Variants in AIG1 observed in about 807,000 individuals in gnomAD.
The protein encoded by AIG1 is androgen-induced gene 1 protein.
Under a neutral mutation model 31.4 loss-of-function variants are expected in AIG1, and 23 were observed. The ratio of observed to expected loss-of-function variants is 0.73; its 90% CI spans 0.53 to 1.04. AIG1 has a LOEUF of 1.04. Ranked by LOEUF, AIG1 falls within the 50% of genes least tolerant of loss-of-function variation. AIG1 has a pLI of 0.00. For synonymous variants in AIG1, 100 were observed against 110.5 expected (o/e 0.90, Z 0.60); for missense variants, 274 against 295.0 (o/e 0.93, Z 0.52).
chr6:143,329,889 A>G lies in AIG1; in HGVS notation c.516-3393A>G. ...CTTTTGCACTACAATGGCGGAGTTG[A>G]GTAGGTGTGATCGAGACCATATGGG... On this transcript the variant is annotated intron_variant, in intron 4 of 5. Coordinates refer to ENST00000357847, the MANE Select transcript of AIG1 (RefSeq NM_016108.4). The surrounding 1 kb of genome is among the most constrained non-coding windows in gnomAD (Gnocchi z 4.9). Among the ~76,000 whole-genome samples, 1 of 152,190 alleles carries G rather than the reference A, an allele frequency of 6.6e-6. No individual in the cohort carries two copies. Among genetic ancestry groups the G allele is most frequent in the Non-Finnish European group, 1.5e-5 (1 of 68,034 alleles).
In AIG1 at chr6:143,060,897, C is replaced by T. The variant is rs751466793; in HGVS notation, c.-29C>T. 5 of 1,451,022 alleles carry T rather than the reference C, an allele frequency of 3.4e-6. No homozygotes were observed. Among genetic ancestry groups the T allele is most frequent in the Middle Eastern group, 2.2e-4 (1 of 4,560 alleles). The allele number at this position is 1,451,022 out of a possible 1,614,324, so 89.9% of individuals were successfully genotyped here. On this transcript the variant is annotated 5_prime_UTR_variant, in exon 1 of 6. Transcript: ENST00000357847. ...CCTCCCTCACGCCCGCCCTCCTTGC[C>T]GCCCAGCCGGTCCAGGCCTCTGGCG...
At chr6:143,226,449 T>C (rs970242258) in intron 3 of AIG1, among the ~76,000 whole-genome samples, 2 of 151,944 alleles carry the variant, frequency 1.3e-5, no homozygotes, top group Non-Finnish European at 2.9e-5. Flanking sequence ...TTTCACCGTG[T>C]TGGCCAGGAT....
chr6:143,188,557 A>C (rs1262628259), intron 3 of AIG1: 4 of 985,260 alleles, frequency 4.1e-6, no homozygotes, highest in Non-Finnish European at 4.8e-6. Flanking sequence ...GGGGCAGTCA[A>C]GGTGGGACAG....
chr6:143,228,184 T>C (rs943529811), intron 3 of AIG1, among the ~76,000 whole-genome samples: 2 of 152,140 alleles, frequency 1.3e-5, no homozygotes, highest in African/African-American at 4.8e-5. Context: ...TTGAAAAATC[T>C]CTGCCCTGCC....
chr6:143,158,985 A>C (rs1415942960), intron 2 of AIG1, among the ~76,000 whole-genome samples: 3 of 152,244 alleles, frequency 2.0e-5, no homozygotes, highest in Non-Finnish European at 4.4e-5. Context: ...TAGAAGAGCC[A>C]CAGAACAAAG....
chr6:143,254,251 A>G (rs975098925), intron 3 of AIG1, among the ~76,000 whole-genome samples: 19 of 152,208 alleles, frequency 1.2e-4, no homozygotes, highest in Non-Finnish European at 2.2e-4. Context: ...AGGGTGTTAA[A>G]CATGCTTGAT....
At chr6:143,275,026 G>T (rs147778807) in intron 3 of AIG1, among the ~76,000 whole-genome samples, 3 of 152,328 alleles carry the variant, frequency 2.0e-5, no homozygotes, top group African/African-American at 4.8e-5. Flanking sequence ...ACAGAGGGAT[G>T]AAATAAATAT....
At chr6:143,086,606 G>A (rs540448818) in intron 1 of AIG1, among the ~76,000 whole-genome samples, 1 of 152,146 alleles carries the variant, frequency 6.6e-6, no homozygotes, top group South Asian at 2.1e-4. Flanking sequence ...AGACACCCTG[G>A]GTTCATAGCC....
At chr6:143,204,770 GA>G (rs112825521) in intron 3 of AIG1, among the ~76,000 whole-genome samples, 2,212 of 152,228 alleles carry the variant, frequency 0.015, 62 homozygotes, top group African/African-American at 0.051. Context: ...TAGAATGGGG[GA>G]GGGACATGTC....
At chr6:143,067,823 T>G (rs895121385) in intron 1 of AIG1, among the ~76,000 whole-genome samples, 22 of 152,300 alleles carry the variant, frequency 1.4e-4, no homozygotes, top group Non-Finnish European at 3.2e-4. Context: ...TTTTGTTTTT[T>G]GGGGTTTTGG....
intron 4 of AIG1, among the ~76,000 whole-genome samples, chr6:143,294,454 T>G (rs1798282985): frequency 6.6e-6 from 1 of 152,224 alleles, no homozygotes; most frequent in South Asian, 2.1e-4. Context: ...TTCTGCCATA[T>G]GAACTGGGCC....
intron 3 of AIG1, among the ~76,000 whole-genome samples, chr6:143,205,886 A>G (rs138998393): frequency 5.9e-5 from 9 of 152,370 alleles, no homozygotes; most frequent in African/African-American, 2.2e-4. Flanking sequence ...ATTTATGGAT[A>G]GCAGAAGTGC....
intron 1 of AIG1, among the ~76,000 whole-genome samples, chr6:143,085,553 A>C (rs189171609): frequency 6.6e-6 from 1 of 152,096 alleles, no homozygotes; most frequent in African/African-American, 2.4e-5. Context: ...TTTCATAGCA[A>C]CCCAGCTGCT....
At chr6:143,137,227 C>T (rs1783845203) in intron 2 of AIG1, among the ~76,000 whole-genome samples, 1 of 152,174 alleles carries the variant, frequency 6.6e-6, no homozygotes, top group African/African-American at 2.4e-5. Flanking sequence ...CCTCTCTCCC[C>T]TTGGCTTGCA....
rs369707005 is a variant in AIG1, at chr6:143,179,653, C to CT, written c.399+14479dup. On this transcript the variant is annotated intron_variant, in intron 3 of 5. Transcript: ENST00000357847. ...CATATCCCTTCCTTTCTATTGTCTA[C>CT]TTTTTTTTTCTCAGCAACCAATCCT... Among the ~76,000 whole-genome samples, 19 of 151,726 alleles carry CT rather than the reference C, an allele frequency of 1.3e-4. No homozygotes were observed. The South Asian group carries it at 3.3e-3, about 27-fold the overall frequency.
chr6:143,197,764 C>G (rs998119152), intron 3 of AIG1, among the ~76,000 whole-genome samples: 1 of 152,164 alleles, frequency 6.6e-6, no homozygotes, highest in Admixed American at 6.5e-5. Context: ...TCAGGAACAT[C>G]TGTTGTTAGA....
At chr6:143,146,662 G>A (rs377288887) in intron 2 of AIG1, among the ~76,000 whole-genome samples, 5 of 152,076 alleles carry the variant, frequency 3.3e-5, no homozygotes, top group African/African-American at 1.2e-4. Flanking sequence ...AATTACTACT[G>A]TCCCTGTGGG....
chr6:143,175,945 C>T (rs150180821), intron 3 of AIG1, among the ~76,000 whole-genome samples: 152 of 152,324 alleles, frequency 1.0e-3, no homozygotes, highest in African/African-American at 3.2e-3. Context: ...CTATGTCAGA[C>T]GGAAGATCTG....
intron 3 of AIG1, among the ~76,000 whole-genome samples, chr6:143,229,498 A>C (rs757293138): frequency 6.6e-6 from 1 of 152,108 alleles, no homozygotes; most frequent in South Asian, 2.1e-4. Flanking sequence ...ACATTTTCAC[A>C]TTTGCAATTT....
Sources: gnomAD v4.1 joint callset for allele counts (sites outside exome capture counted in the v4.1 genomes callset) on GRCh38, gnomAD v4.1.1 for gene constraint, Gnocchi (gnomAD v3.1) non-coding constraint, MANE v1.5 for transcripts, NCBI Gene and HGNC (gene_info 2026-07-23, HGNC 2026-07-21) for gene names.